The following SMARCAD1 variants were observed in gnomAD, a reference collection of about 807,000 sequenced individuals.
SMARCAD1 encodes the protein SNF2 related chromatin remodeling ATPase with DExD box 1, also known as SWI/SNF-related matrix-associated actin-dependent regulator of chromatin subfamily A containing DEAD/H box 1.
In SMARCAD1, 25 loss-of-function variants were observed where a neutral mutation model predicts 127.1. That is an observed-to-expected ratio of 0.20 (90% confidence interval 0.14 to 0.27). The LOEUF is 0.27. SMARCAD1 is among the 10% of genes least tolerant of loss of function. The pLI, the probability that SMARCAD1 is intolerant of heterozygous loss-of-function variation, is 1.00. For missense variants in SMARCAD1, 807 were observed against 1,206.0 expected, an observed-to-expected ratio of 0.67 and a Z score of 4.90; for synonymous variants, 400 against 396.9, an observed-to-expected ratio of 1.01 and a Z score of -0.09.
chr4:94,279,686 G>A (rs1753750122), intron 19 of SMARCAD1, among the ~76,000 whole-genome samples: 1 of 152,064 alleles, frequency 6.6e-6, no homozygotes, highest in Admixed American at 6.6e-5. Flanking sequence ...ATATGATCTG[G>A]CCCTTTACAG....
chr4:94,287,352 C>T lies in SMARCAD1; in HGVS notation c.3020-2121C>T, dbSNP rs143413667. ...TTCTTTCCATCTCTCACAGTGAGGT[C>T]CTTTTCCTCTATAAACAAAAATGTA... On this transcript the variant is annotated intron_variant, in intron 23 of 23. Transcript: ENST00000354268. Among the ~76,000 whole-genome samples, 10 of 152,230 alleles carry T rather than the reference C, an allele frequency of 6.6e-5. No individual in the cohort carries two copies. In the East Asian group the frequency reaches 1.9e-3, roughly 29 times the overall value.
chr4:94,234,532 A>G (rs887206068), intron 4 of SMARCAD1, among the ~76,000 whole-genome samples: 1 of 152,236 alleles, frequency 6.6e-6, no homozygotes, highest in Non-Finnish European at 1.5e-5. Flanking sequence ...AGGACAGTCC[A>G]TAACTAAGGA....
intron 2 of SMARCAD1, among the ~76,000 whole-genome samples, chr4:94,224,865 A>G (rs576454992): frequency 6.6e-6 from 1 of 152,270 alleles, no homozygotes; most frequent in African/African-American, 2.4e-5. Flanking sequence ...AATGTTTATT[A>G]TATTTGAAGA....
At chr4:94,218,291 A>T (rs992206554) in intron 2 of SMARCAD1, among the ~76,000 whole-genome samples, 26 of 147,766 alleles carry the variant, frequency 1.8e-4, no homozygotes, top group Admixed American at 1.4e-3. Context: ...GTTTTATTTT[A>T]TTTTTTTTTT....
At chr4:94,218,560 T>A (rs1045540170) in intron 2 of SMARCAD1, among the ~76,000 whole-genome samples, 1 of 152,086 alleles carries the variant, frequency 6.6e-6, no homozygotes, top group Non-Finnish European at 1.5e-5. Context: ...CCCAAAGTGT[T>A]GGGATTACCG....
At chr4:94,230,140 T>C (rs1745608250) in intron 3 of SMARCAD1, among the ~76,000 whole-genome samples, 1 of 152,108 alleles carries the variant, frequency 6.6e-6, no homozygotes, top group Admixed American at 6.5e-5. Context: ...AATTTTACTT[T>C]CAAATATTTA....
rs140417863 is a variant in SMARCAD1 at position 94,213,403 on chromosome 4, G to T, written c.190+4819G>T. Among the ~76,000 whole-genome samples, 158 of 152,264 alleles carry T rather than the reference G, an allele frequency of 1.0e-3. 2 individuals are homozygous for T. In the East Asian group the frequency reaches 0.02, roughly 19 times the overall value. Reference sequence around the variant, plus strand: ...TTGCCTCCAAGAGTCTAATATGTGTGTGGAGGGTTGGGGGCAGATTATAGA... The same window carrying T: ...TTGCCTCCAAGAGTCTAATATGTGTTTGGAGGGTTGGGGGCAGATTATAGA... On this transcript the variant is annotated intron_variant, in intron 2 of 23. Coordinates refer to ENST00000354268, the MANE Select transcript of SMARCAD1 (RefSeq NM_020159.5).
chr4:94,278,053 TA>T (rs1166752342), intron 16 of SMARCAD1, among the ~76,000 whole-genome samples: 2 of 152,072 alleles, frequency 1.3e-5, no homozygotes, highest in Non-Finnish European at 2.9e-5. Context: ...CACAAAGAAA[TA>T]AAGGATTTTC....
intron 10 of SMARCAD1, among the ~76,000 whole-genome samples, chr4:94,268,074 G>C (rs921931386): frequency 1.3e-5 from 2 of 152,046 alleles, no homozygotes; most frequent in Non-Finnish European, 2.9e-5. Flanking sequence ...AAGCAACAAA[G>C]CTACTTGTAA....
At chr4:94,220,199 A>T (rs1278722206) in intron 2 of SMARCAD1, among the ~76,000 whole-genome samples, 1 of 152,188 alleles carries the variant, frequency 6.6e-6, no homozygotes, top group Non-Finnish European at 1.5e-5. Context: ...CTGATTATTG[A>T]CTATACCAGT....
At chr4:94,241,933 C>T (rs1747640398) in intron 6 of SMARCAD1, among the ~76,000 whole-genome samples, 1 of 152,114 alleles carries the variant, frequency 6.6e-6, no homozygotes, top group Admixed American at 6.5e-5. Flanking sequence ...TCTTGTATAC[C>T]TGATCTTTAA....
At chr4:94,231,575 C>G (rs369896117) in intron 3 of SMARCAD1, among the ~76,000 whole-genome samples, 121 of 152,176 alleles carry the variant, frequency 8.0e-4, no homozygotes, top group African/African-American at 2.8e-3. Context: ...ATTGTGTCAC[C>G]TATTATTATT....
intron 9 of SMARCAD1, among the ~76,000 whole-genome samples, chr4:94,260,130 G>T (rs1366102248): frequency 1.3e-5 from 2 of 152,002 alleles, no homozygotes; most frequent in Non-Finnish European, 2.9e-5. Context: ...TACCTCCCCA[G>T]TGTAGTTTAA....
chr4:94,275,051 GT>G, intron 14 of SMARCAD1, 86 bp downstream of exon 14: 1 of 928,224 alleles, frequency 1.1e-6, no homozygotes, highest in Non-Finnish European at 1.8e-6. Context: ...ATGTAGGAAA[GT>G]TTATGCTGTT....
Position 94,233,684 on chromosome 4 carries a change from A to T in SMARCAD1, c.369-270A>T, listed in dbSNP as rs187469406. Reference sequence around the variant, plus strand: ...ATGCAATAAATGCGTGTGAGTCCTAACAAAATAAATGCTAGGAAGTTCCTT... The same window carrying T: ...ATGCAATAAATGCGTGTGAGTCCTATCAAAATAAATGCTAGGAAGTTCCTT... On this transcript the variant is annotated intron_variant, in intron 3 of 23. Transcript: ENST00000354268. 2.6e-5 allele frequency among the ~76,000 whole-genome samples: 4 copies of T among 152,334 alleles called. No individual in the cohort carries two copies. The East Asian group carries it at 5.8e-4, about 22-fold the overall frequency.
chr4:94,226,020 CAATG>C (rs1395437060), intron 2 of SMARCAD1, 95 bp from the exon 3 acceptor site: 100 of 1,021,300 alleles, frequency 9.8e-5, no homozygotes, highest in Admixed American at 1.6e-4. Flanking sequence ...AGATTGGAAA[CAATG>C]AATGAAATTT....
intron 4 of SMARCAD1, among the ~76,000 whole-genome samples, chr4:94,236,370 A>C (rs1746651125): frequency 6.6e-6 from 1 of 152,200 alleles, no homozygotes; most frequent in African/African-American, 2.4e-5. Context: ...GAATGATGTC[A>C]TGCAAGCAAT....
At chr4:94,253,402 A>G (rs1749574655) in intron 9 of SMARCAD1, 2 of 1,260,190 alleles carry the variant, frequency 1.6e-6, no homozygotes, top group African/African-American at 3.1e-5. Flanking sequence ...TTTTACTACA[A>G]CTACTTGAAG....
In SMARCAD1 at chr4:94,282,100, G is replaced by GTTTT. The variant is rs70946518; in HGVS notation, c.2726+524_2726+527dup. Among the ~76,000 whole-genome samples the GTTTT allele has an allele frequency of 4.0e-4, 30 of 74,960 alleles. 1 individual carries two copies. Among genetic ancestry groups the GTTTT allele is most frequent in the South Asian group, 6.6e-4 (1 of 1,514 alleles). 49.2% of individuals were successfully genotyped at this position (74,960 alleles called of 152,430 possible). A position where few individuals can be genotyped will look rare whatever the true frequency, so the allele number is the denominator to read the frequency against. Reference sequence around the variant, plus strand: ...GAATTACATGCAAATACGTTTTTTTGTTTTTTTTTTTTTTTTTGAGACGGA... The same window carrying GTTTT: ...GAATTACATGCAAATACGTTTTTTTGTTTTTTTTTTTTTTTTTTTTTGAGACGGA... On this transcript the variant is annotated intron_variant, in intron 21 of 23. Transcript: ENST00000354268.
Sources: allele counts gnomAD v4.1 joint callset (sites outside exome capture counted in the v4.1 genomes callset), GRCh38; gene constraint gnomAD v4.1.1; transcripts MANE v1.5; gene names NCBI Gene and HGNC (gene_info 2026-07-23, HGNC 2026-07-21).